UBXN4: variants seen among roughly 807,000 people sequenced by gnomAD.
UBXN4 encodes UBX domain-containing protein 4.
A neutral mutation model predicts 66.2 loss-of-function variants in UBXN4; 35 were observed. The observed-to-expected ratio is 0.53, with a 90% CI of 0.40 to 0.70. The LOEUF is 0.70. Ranked by LOEUF, UBXN4 falls within the 30% of genes least tolerant of loss-of-function variation. The probability of loss-of-function intolerance (pLI) is 0.00; values close to 1 mark genes in which losing one functional copy is unlikely to be tolerated. For missense variants in UBXN4, 533 were observed against 599.8 expected (o/e 0.89, Z 1.16); for synonymous variants, 203 against 204.5 (o/e 0.99, Z 0.06).
chr2:135,742,415 C>A (rs1270643776), intron 1 of UBXN4: 1 of 164,978 alleles, frequency 6.1e-6, no homozygotes, highest in African/African-American at 2.4e-5. Context: ...GCCGAAATCT[C>A]CCCGCTCGGG....
chr2:135,759,157 A>G (rs543650745), intron 5 of UBXN4, among the ~76,000 whole-genome samples: 1 of 152,138 alleles, frequency 6.6e-6, no homozygotes, highest in Non-Finnish European at 1.5e-5. Flanking sequence ...AGTGATTCCC[A>G]TTATTTGCTC....
chr2:135,760,064 G>A (rs2077306131), intron 5 of UBXN4, among the ~76,000 whole-genome samples: 4 of 152,050 alleles, frequency 2.6e-5, no homozygotes, highest in Non-Finnish European at 5.9e-5. Context: ...CACCATACCC[G>A]ACCTAGAATT....
chr2:135,743,897 C>G (rs1473046279), intron 1 of UBXN4, among the ~76,000 whole-genome samples: 1 of 152,042 alleles, frequency 6.6e-6, no homozygotes, highest in African/African-American at 2.4e-5. Context: ...TAAGTTTTTA[C>G]TGATGAGCAT....
intron 5 of UBXN4, among the ~76,000 whole-genome samples, chr2:135,756,885 T>C (rs1471941227): frequency 6.6e-6 from 1 of 152,242 alleles, no homozygotes; most frequent in Admixed American, 6.5e-5. Context: ...GTCCACCGTC[T>C]TCTGGTCTTC....
At chr2:135,751,937 C>T (rs2077244819) in intron 2 of UBXN4, among the ~76,000 whole-genome samples, 1 of 152,192 alleles carries the variant, frequency 6.6e-6, no homozygotes, top group African/African-American at 2.4e-5. Context: ...CCTGACCACT[C>T]AGCTCCCTTC....
chr2:135,769,550 G>C (rs60453613), intron 6 of UBXN4, among the ~76,000 whole-genome samples: 32,632 of 152,012 alleles, frequency 0.21, 3,999 homozygotes, highest in Middle Eastern at 0.57. Context: ...ATCATAAGTG[G>C]GAAGTGAGGC....
intron 2 of UBXN4, among the ~76,000 whole-genome samples, chr2:135,751,487 C>T (rs2077241812): frequency 6.6e-6 from 1 of 151,546 alleles, no homozygotes; most frequent in South Asian, 2.1e-4. Flanking sequence ...CGTGCCTGGC[C>T]TTAAAAACAA....
At chr2:135,745,707 T>A (rs1218810757) in intron 1 of UBXN4, among the ~76,000 whole-genome samples, 1 of 152,088 alleles carries the variant, frequency 6.6e-6, no homozygotes, top group Non-Finnish European at 1.5e-5. Context: ...AGTCATTTAT[T>A]TGGAATCTTA....
At chr2:135,745,409 T>C (rs2077201236) in intron 1 of UBXN4, among the ~76,000 whole-genome samples, 1 of 152,218 alleles carries the variant, frequency 6.6e-6, no homozygotes, top group Non-Finnish European at 1.5e-5. Context: ...TCTCTTGTTA[T>C]TTTCTCTCAT....
In UBXN4 at chr2:135,780,292, T is replaced by C. The variant is rs989856847; in HGVS notation, c.1295T>C (p.Phe432Ser). The change falls in exon 12 of 13, where the codon TTC becomes TCC. Residue 432 changes from phenylalanine to serine, a missense_variant. Around this residue, in one of 2 missense-constraint regions of UBXN4, gnomAD observed 529 missense variants for 580.1 expected, o/e 0.91. Transcript: ENST00000272638. The part of the protein sequence containing the change: ...FLAIWRLISN[F>S]LFSNPPPTQT... The stretch of plus-strand genomic sequence containing the variant: ...GCCATCTGGAGATTAATTAGCAATT[T>C]CTTGTTTAGTAATCCGCCTCCCACA... 1.2e-6 allele frequency: 2 copies of C among 1,614,096 alleles called. No homozygotes were observed. The highest frequency in any genetic ancestry group is 1.7e-6 in the Non-Finnish European group (2 of 1,180,046).
chr2:135,751,654 A>G (rs185416887), intron 2 of UBXN4, among the ~76,000 whole-genome samples: 9 of 151,476 alleles, frequency 5.9e-5, no homozygotes, highest in African/African-American at 2.2e-4. Context: ...TTTTGGGATC[A>G]TTTTAGTGTG....
chr2:135,748,893 G>A (rs1320755853), intron 2 of UBXN4, among the ~76,000 whole-genome samples: 1 of 151,656 alleles, frequency 6.6e-6, no homozygotes, highest in African/African-American at 2.4e-5. Flanking sequence ...AAAATTAGCC[G>A]GGTGTGGTGG....
intron 5 of UBXN4, among the ~76,000 whole-genome samples, chr2:135,758,493 C>CATG (rs1384963871): frequency 3.9e-5 from 6 of 152,138 alleles, no homozygotes; most frequent in Admixed American, 3.3e-4. Context: ...GGATTACAGG[C>CATG]ATGAGTCATT....
chr2:135,779,212 T>G (rs2077435772), intron 11 of UBXN4, 133 bp downstream of exon 11: 2 of 936,086 alleles, frequency 2.1e-6, no homozygotes, highest in Non-Finnish European at 2.9e-6. Context: ...ATCCAATAAT[T>G]AGATGAATTT....
chr2:135,755,173 A>G (rs567907331), intron 4 of UBXN4, among the ~76,000 whole-genome samples: 12 of 152,256 alleles, frequency 7.9e-5, no homozygotes, highest in African/African-American at 2.9e-4. Context: ...CTAACTATAT[A>G]TTGCTTAATA....
chr2:135,756,575 T>A (rs1297320544), intron 5 of UBXN4, among the ~76,000 whole-genome samples: 1 of 152,212 alleles, frequency 6.6e-6, no homozygotes, highest in African/African-American at 2.4e-5. Context: ...ATCATTCAAC[T>A]TCTGGATGTG....
In UBXN4 at chr2:135,748,276, A is replaced by T; in HGVS notation, c.92A>T (p.Glu31Val). The stretch of plus-strand genomic sequence containing the variant: ...TTGAAATGTTTTACAGGTGATGATG[A>T]ACAGTCTACACAGATGGCTGCAAGT... ...VFVVFVAGDD[E>V]QSTQMAASWE... The change falls in exon 2 of 13, where the codon GAA (glutamate) becomes GTA (valine). Residue 31 changes from glutamate to valine, a missense_variant. By Grantham distance (121) the Glu-to-Val change is moderately radical. This residue lies in a region of UBXN4 where 529 missense variants were observed against 580.1 expected (regional missense o/e 0.91). Coordinates refer to ENST00000272638, the MANE Select transcript of UBXN4 (RefSeq NM_014607.4). 6.3e-7 allele frequency: 1 copy of T among 1,581,274 alleles called. No individual in the cohort carries two copies. The highest frequency in any genetic ancestry group is 1.2e-5 in the South Asian group (1 of 83,170).
intron 6 of UBXN4, among the ~76,000 whole-genome samples, chr2:135,769,183 G>T (rs1011559806): frequency 6.6e-6 from 1 of 152,196 alleles, no homozygotes; most frequent in Admixed American, 6.5e-5. Flanking sequence ...TGTGTTTTCT[G>T]TAGAGACAGA....
intron 2 of UBXN4, among the ~76,000 whole-genome samples, chr2:135,752,918 A>G (rs1184973067): frequency 2.0e-5 from 3 of 147,852 alleles, no homozygotes; most frequent in African/African-American, 7.5e-5. Flanking sequence ...ACCAGATTTC[A>G]CCATGTTGGC....
Sources: gnomAD v4.1 joint callset for allele counts (sites outside exome capture counted in the v4.1 genomes callset) on GRCh38, gnomAD v4.1.1 for gene constraint, gnomAD v4.1.1 regional missense constraint, MANE v1.5 for transcripts, NCBI Gene and HGNC (gene_info 2026-07-23, HGNC 2026-07-21) for gene names.